The following NIM1K variants were observed in gnomAD, a reference collection of about 807,000 sequenced individuals.
The protein encoded by NIM1K is serine/threonine-protein kinase NIM1.
A neutral mutation model predicts 37.1 loss-of-function variants in NIM1K; 35 were observed. That is an observed-to-expected ratio of 0.94 (90% CI 0.72 to 1.25). The LOEUF (loss-of-function observed/expected upper bound fraction) is 1.25. NIM1K is among the 50% of genes most tolerant of loss of function. NIM1K has a pLI of 0.00. For missense variants in NIM1K, 564 were observed against 548.0 expected (o/e 1.03, Z -0.29); for synonymous variants, 234 against 206.6 (o/e 1.13, Z -1.14).
chr5:43,256,402 T>C (rs1752947449), intron 2 of NIM1K, among the ~76,000 whole-genome samples: 1 of 152,204 alleles, frequency 6.6e-6, no homozygotes, highest in Admixed American at 6.5e-5. Flanking sequence ...AAGAGTCAAA[T>C]ACTCAAAAGG....
chr5:43,254,217 C>T (rs543528225), intron 2 of NIM1K, among the ~76,000 whole-genome samples: 13 of 152,192 alleles, frequency 8.5e-5, no homozygotes, highest in South Asian at 4.2e-4. Context: ...GAGAGCAGGA[C>T]GGGACATGGG....
intron 2 of NIM1K, among the ~76,000 whole-genome samples, chr5:43,274,602 T>C (rs1753310211): frequency 6.6e-6 from 1 of 152,180 alleles, no homozygotes; most frequent in African/African-American, 2.4e-5. Flanking sequence ...AGGATTGCCA[T>C]TGGAGGTTCT....
intron 1 of NIM1K, among the ~76,000 whole-genome samples, chr5:43,236,877 G>T (rs4368737): frequency 0.43 from 65,444 of 152,060 alleles, 15,011 homozygotes; most frequent in Non-Finnish European, 0.5. Context: ...AGAAACCAGC[G>T]CATACTGACT....
intron 1 of NIM1K, chr5:43,231,727 A>C: frequency 1.2e-6 from 1 of 820,366 alleles, no homozygotes; most frequent in Non-Finnish European, 1.9e-6. Context: ...GCTACATAAA[A>C]ATTAACTGAT....
intron 1 of NIM1K, among the ~76,000 whole-genome samples, chr5:43,242,502 G>C (rs1005703405): frequency 6.6e-6 from 1 of 151,936 alleles, no homozygotes; most frequent in Non-Finnish European, 1.5e-5. Context: ...TTCTCAGGGG[G>C]ATGATGGACT....
At chr5:43,201,344 G>A (rs934402503) in intron 1 of NIM1K, among the ~76,000 whole-genome samples, 1 of 151,588 alleles carries the variant, frequency 6.6e-6, no homozygotes, top group Non-Finnish European at 1.5e-5. Context: ...GGGAGGCGGA[G>A]CTTGCAGTGA....
At chr5:43,265,676 C>A (rs1246657918) in intron 2 of NIM1K, among the ~76,000 whole-genome samples, 1 of 152,228 alleles carries the variant, frequency 6.6e-6, no homozygotes, top group Non-Finnish European at 1.5e-5. Flanking sequence ...CAAGGAGCTG[C>A]ATTCCTTTGG....
rs148509983 is a variant in NIM1K, at chr5:43,204,605, G to A, written c.-695+12194G>A. The stretch of plus-strand genomic sequence containing the variant: ...CTGTAACCCCAGTGACTTGGGAGGC[G>A]GAGGAACAAGAATCAGTTGAACCCA... On this transcript the variant is annotated intron_variant, in intron 1 of 3. Coordinates refer to ENST00000326035, the MANE Select transcript of NIM1K (RefSeq NM_153361.4). 3.2e-3 allele frequency among the ~76,000 whole-genome samples: 480 copies of A among 151,750 alleles called. 2 individuals are homozygous for A. Among genetic ancestry groups the A allele is most frequent in the Non-Finnish European group, 5.4e-3 (364 of 67,888 alleles).
At chr5:43,236,944 T>A (rs1233559780) in intron 1 of NIM1K, among the ~76,000 whole-genome samples, 1 of 152,230 alleles carries the variant, frequency 6.6e-6, no homozygotes, top group Non-Finnish European at 1.5e-5. Flanking sequence ...TCTTGACATG[T>A]GTGCTGAGAA....
chr5:43,279,711 G>A (rs907581455), intron 3 of NIM1K, among the ~76,000 whole-genome samples: 1 of 152,208 alleles, frequency 6.6e-6, no homozygotes, highest in Non-Finnish European at 1.5e-5. Context: ...TAAGATCTGG[G>A]TCTGATTTCT....
rs868861687 is a variant in NIM1K, at chr5:43,196,812, G to A, written c.-695+4401G>A. Reference sequence around the variant, plus strand: ...TCTTGAGACAGGTTCTCACACTGTTGCCCAGGGTAGAGTACAGTGGTGTGA... The same window carrying A: ...TCTTGAGACAGGTTCTCACACTGTTACCCAGGGTAGAGTACAGTGGTGTGA... On this transcript the variant is annotated intron_variant, in intron 1 of 3. Transcript: ENST00000326035. Among the ~76,000 whole-genome samples the A allele has an allele frequency of 2.0e-5, 3 of 152,000 alleles. No homozygotes were observed. The South Asian group carries it at 6.3e-4, about 32-fold the overall frequency.
At chr5:43,252,361 C>G (rs117385539) in intron 2 of NIM1K, among the ~76,000 whole-genome samples, 1 of 152,020 alleles carries the variant, frequency 6.6e-6, no homozygotes, top group Admixed American at 6.6e-5. Flanking sequence ...CAGTCTCACC[C>G]GCTGGTTCTG....
chr5:43,276,875 C>T (rs1310690691), intron 2 of NIM1K, among the ~76,000 whole-genome samples, 182 bp from the exon 3 acceptor site: 1 of 152,034 alleles, frequency 6.6e-6, no homozygotes, highest in Non-Finnish European at 1.5e-5. Flanking sequence ...AGACTCACAC[C>T]GATCCAAGGG....
intron 2 of NIM1K, among the ~76,000 whole-genome samples, chr5:43,246,812 G>T (rs1019501620): frequency 6.6e-6 from 1 of 152,120 alleles, no homozygotes; most frequent in East Asian, 1.9e-4. Context: ...CTGCTGCTCT[G>T]ACCCCACTGT....
intron 1 of NIM1K, among the ~76,000 whole-genome samples, chr5:43,234,227 C>G (rs774732460): frequency 7.7e-5 from 11 of 142,416 alleles, no homozygotes; most frequent in Admixed American, 5.2e-4. Flanking sequence ...ACAGAGTTGT[C>G]ATGTCGTGTC....
At chr5:43,253,726 C>T (rs1219492517) in intron 2 of NIM1K, among the ~76,000 whole-genome samples, 1 of 150,804 alleles carries the variant, frequency 6.6e-6, no homozygotes, top group South Asian at 2.1e-4. Flanking sequence ...ATGGTGTGAT[C>T]TCTGTTCATT....
chr5:43,229,135 A>T (rs1443236939), intron 1 of NIM1K, among the ~76,000 whole-genome samples: 1 of 152,138 alleles, frequency 6.6e-6, no homozygotes. Flanking sequence ...TAATTCCAGC[A>T]CTTTGGGAGG....
At chr5:43,196,942 C>CTTTTTTTTTTT (rs774125135) in intron 1 of NIM1K, among the ~76,000 whole-genome samples, 1 of 82,776 alleles carries the variant, frequency 1.2e-5, no homozygotes, top group Non-Finnish European at 2.2e-5. Context: ...CCATGCCCAG[C>CTTTTTTTTTTT]TTTTTTTTTT....
At chr5:43,262,674 C>G (rs534621694) in intron 2 of NIM1K, among the ~76,000 whole-genome samples, 1 of 152,064 alleles carries the variant, frequency 6.6e-6, no homozygotes, top group African/African-American at 2.4e-5. Context: ...GAGGGCATCC[C>G]TGTCTTGTGT....
Sources: gnomAD v4.1 joint callset for allele counts (sites outside exome capture counted in the v4.1 genomes callset) on GRCh38, gnomAD v4.1.1 for gene constraint, MANE v1.5 for transcripts, NCBI Gene and HGNC (gene_info 2026-07-23, HGNC 2026-07-21) for gene names.